Variants in NDUFAF5 observed in about 807,000 individuals in gnomAD.
The protein encoded by NDUFAF5 is NADH:ubiquinone oxidoreductase complex assembly factor 5.
NDUFAF5 carries 34 observed loss-of-function variants against 48.9 expected under a neutral mutation model. The ratio of observed to expected loss-of-function variants is 0.70; its 90% CI spans 0.53 to 0.93. The LOEUF (loss-of-function observed/expected upper bound fraction) is 0.93, where lower values mean the gene tolerates loss of function less well. Ranked by LOEUF, NDUFAF5 falls within the 40% of genes least tolerant of loss-of-function variation. NDUFAF5 has a pLI of 0.00. For synonymous variants in NDUFAF5, 153 were observed against 150.6 expected (o/e 1.02, Z -0.12); for missense variants, 428 against 427.5 (o/e 1.00, Z -0.01).
rs1982602810 is a variant in NDUFAF5 at position 13,793,204 on chromosome 20, G to A, written c.352G>A (p.Ala118Thr). 1.2e-6 allele frequency: 2 copies of A among 1,613,910 alleles called. No homozygotes were observed. Among genetic ancestry groups the A allele is most frequent in the Non-Finnish European group, 1.7e-6 (2 of 1,179,954 alleles). The change falls in exon 4 of 11, where the codon GCT becomes ACT. Residue 118 changes from alanine (A) to threonine (T), a missense_variant. By Grantham distance (58) the Ala-to-Thr change is moderately conservative. Transcript: ENST00000378106. ...NKETIGKFFQ[A>T]DIAENALKNS... ...GGAAACTATTGGAAAGTTTTTCCAA[G>A]CTGACATTGCAGAAAATGCTTTGGT...
At chr20:13,786,774 G>A (rs1326379986) in intron 1 of NDUFAF5, among the ~76,000 whole-genome samples, 1 of 152,186 alleles carries the variant, frequency 6.6e-6, no homozygotes, top group Non-Finnish European at 1.5e-5. Flanking sequence ...ATTGGGATGG[G>A]ATTGGAGCAG....
chr20:13,785,621 G>A (rs1325784496), intron 1 of NDUFAF5, among the ~76,000 whole-genome samples: 3 of 152,170 alleles, frequency 2.0e-5, no homozygotes, highest in Non-Finnish European at 4.4e-5. Context: ...GGGACTTGGG[G>A]TTTTCTTCTG....
chr20:13,811,050 G>C (rs1985795599), intron 8 of NDUFAF5, among the ~76,000 whole-genome samples: 1 of 152,216 alleles, frequency 6.6e-6, no homozygotes, highest in African/African-American at 2.4e-5. Flanking sequence ...AGTTGAATTA[G>C]TTTGGGTTGG....
At chr20:13,810,215 G>A (rs1310692974) in intron 8 of NDUFAF5, among the ~76,000 whole-genome samples, 1 of 152,172 alleles carries the variant, frequency 6.6e-6, no homozygotes, top group Non-Finnish European at 1.5e-5. Flanking sequence ...TAGCAGGTGG[G>A]TAGTCGACGT....
At chr20:13,799,028 G>T (rs1218725791) in intron 6 of NDUFAF5, among the ~76,000 whole-genome samples, 1 of 152,184 alleles carries the variant, frequency 6.6e-6, no homozygotes, top group Non-Finnish European at 1.5e-5. Flanking sequence ...GCCTTAGAGG[G>T]TAGGTAAAGT....
intron 5 of NDUFAF5, among the ~76,000 whole-genome samples, chr20:13,797,559 T>C (rs1277785531): frequency 6.6e-6 from 1 of 152,204 alleles, no homozygotes; most frequent in Non-Finnish European, 1.5e-5. Flanking sequence ...GTGAAAAAGA[T>C]TGGTGATTGC....
Position 13,791,512 on chromosome 20 carries a change from T to C in NDUFAF5, c.328-1668T>C, listed in dbSNP as rs1982276559. On this transcript the variant is annotated intron_variant, in intron 3 of 10. Transcript: ENST00000378106. ...TGAGGCAAGAATATAGAAAAGAACCTTCTGCAATTGTACTTAGGGTTGGGA... is the reference window on the plus strand; with the variant it reads ...TGAGGCAAGAATATAGAAAAGAACCCTCTGCAATTGTACTTAGGGTTGGGA... Among the ~76,000 whole-genome samples the C allele has an allele frequency of 1.3e-5, 2 of 152,176 alleles. 1 individual carries two copies. The highest frequency in any genetic ancestry group is 4.1e-4 in the South Asian group (2 of 4,826).
intron 8 of NDUFAF5, among the ~76,000 whole-genome samples, chr20:13,811,493 C>T (rs1985861333): frequency 6.6e-6 from 1 of 151,870 alleles, no homozygotes; most frequent in Non-Finnish European, 1.5e-5. Context: ...AAAACTGAGC[C>T]AAGTGCCAAA....
At position 13,785,112 on chromosome 20, in the gene NDUFAF5, G is replaced by T. The variant is rs576780935; in HGVS notation, c.44G>T (p.Trp15Leu). 1 of 1,613,608 alleles carries T rather than the reference G, an allele frequency of 6.2e-7. No homozygotes were observed. The highest frequency in any genetic ancestry group is 8.5e-7 in the Non-Finnish European group (1 of 1,179,934). ...CTCTGGCGCTTATGTCGGCGACCTT[G>T]GGCGGCGAGGGTCCCAGCGGAGAAT... ...AGLWRLCRRP[W>L]AARVPAENLG... The change falls in exon 1 of 11, where the codon TGG becomes TTG. Residue 15 changes from tryptophan (W) to leucine (L), a missense_variant. By Grantham distance (61) the Trp-to-Leu change is moderately conservative. Coordinates refer to ENST00000378106, the MANE Select transcript of NDUFAF5 (RefSeq NM_024120.5).
intron 6 of NDUFAF5, among the ~76,000 whole-genome samples, chr20:13,799,709 A>AAG (rs1568762216): frequency 4.7e-5 from 7 of 148,588 alleles, no homozygotes; most frequent in Admixed American, 1.3e-4. Flanking sequence ...AAAAAAAAAA[A>AAG]AAAGAAAGAA....
chr20:13,810,758 G>A (rs1456776039), intron 8 of NDUFAF5, among the ~76,000 whole-genome samples: 1 of 152,110 alleles, frequency 6.6e-6, no homozygotes, highest in Non-Finnish European at 1.5e-5. Context: ...CAATACAAAG[G>A]CCAGTGGAGG....
chr20:13,787,095 T>A, intron 1 of NDUFAF5: 1 of 592,274 alleles, frequency 1.7e-6, no homozygotes, highest in Non-Finnish European at 3.1e-6. Context: ...ATATGTATAT[T>A]TTTAAGAATA....
intron 9 of NDUFAF5, 28 bp downstream of exon 9, chr20:13,816,574 C>T (rs749663269): frequency 1.9e-6 from 3 of 1,558,852 alleles, no homozygotes; most frequent in South Asian, 2.2e-5. Context: ...TTTCACCCGC[C>T]TCACCAAGGC....
chr20:13,813,182 T>C (rs919741767), intron 8 of NDUFAF5, among the ~76,000 whole-genome samples: 3 of 152,204 alleles, frequency 2.0e-5, no homozygotes, highest in African/African-American at 7.2e-5. Context: ...ACTCCTGACC[T>C]CAGGTGATCC....
At chr20:13,798,721 A>G (rs1341014661) in intron 6 of NDUFAF5, among the ~76,000 whole-genome samples, 1 of 152,204 alleles carries the variant, frequency 6.6e-6, no homozygotes, top group Non-Finnish European at 1.5e-5. Context: ...AGTTTTAAAT[A>G]TTTATGAAAA....
chr20:13,794,098 T>A (rs1012141934), intron 4 of NDUFAF5, among the ~76,000 whole-genome samples: 1 of 152,226 alleles, frequency 6.6e-6, no homozygotes, highest in African/African-American at 2.4e-5. Context: ...TTTACATTGT[T>A]TATTGATTTC....
At chr20:13,809,585 C>T (rs1985569261) in intron 8 of NDUFAF5, among the ~76,000 whole-genome samples, 1 of 152,218 alleles carries the variant, frequency 6.6e-6, no homozygotes, top group Admixed American at 6.5e-5. Flanking sequence ...CAACGTGAGT[C>T]ACAGATCAAA....
Position 13,816,562 on chromosome 20 carries a change from T to A in NDUFAF5, c.862+16T>A, listed in dbSNP as rs1481011818. 1.9e-6 allele frequency: 3 copies of A among 1,602,078 alleles called. No individual in the cohort carries two copies. The highest frequency in any genetic ancestry group is 3.3e-5 in the Admixed American group (2 of 59,968). On this transcript the variant is annotated intron_variant, in intron 9 of 10. Coordinates refer to ENST00000378106, the MANE Select transcript of NDUFAF5 (RefSeq NM_024120.5). ...GTGTACAGAGGTAAGGGGCGACCACTCTTTCACCCGCCTCACCAAGGCACT... is the reference window on the plus strand; with the variant it reads ...GTGTACAGAGGTAAGGGGCGACCACACTTTCACCCGCCTCACCAAGGCACT...
chr20:13,792,177 C>G (rs1381926138), intron 3 of NDUFAF5, among the ~76,000 whole-genome samples: 6 of 152,242 alleles, frequency 3.9e-5, no homozygotes, highest in Admixed American at 1.3e-4. Context: ...TAATTCTTCA[C>G]CCCTCACAGG....
Sources: gnomAD v4.1 joint callset for allele counts (sites outside exome capture counted in the v4.1 genomes callset) on GRCh38, gnomAD v4.1.1 for gene constraint, MANE v1.5 for transcripts, NCBI Gene and HGNC (gene_info 2026-07-23, HGNC 2026-07-21) for gene names.